The following MYH9 variants were observed in gnomAD, a reference collection of about 807,000 sequenced individuals.
The protein encoded by MYH9 is myosin-9.
Under a neutral mutation model 241.9 loss-of-function variants are expected in MYH9, and 29 were observed. That is an observed-to-expected ratio of 0.12 (90% CI 0.09 to 0.16). The LOEUF is 0.16. Among genes scored for constraint, MYH9 ranks in the 10% least tolerant of loss-of-function variants. MYH9 has a pLI of 1.00. For missense variants in MYH9, 1,803 were observed against 2,595.5 expected, an observed-to-expected ratio of 0.69 and a Z score of 6.63; for synonymous variants, 1,047 against 1,062.6, an observed-to-expected ratio of 0.99 and a Z score of 0.29.
Position 36,329,150 on chromosome 22 carries a change from G to T in MYH9, c.491-1662C>A, listed in dbSNP as rs79296526. 0.022 allele frequency among the ~76,000 whole-genome samples: 3,326 copies of T among 152,226 alleles called. 106 individuals carry two copies. Among genetic ancestry groups the T allele is most frequent in the African/African-American group, 0.077 (3,186 of 41,510 alleles). On this transcript the variant is annotated intron_variant, in intron 3 of 40. Coordinates refer to ENST00000216181, the MANE Select transcript of MYH9 (RefSeq NM_002473.6). The surrounding 1 kb of genome is among the most constrained non-coding windows in gnomAD (Gnocchi z 4.1). The stretch of plus-strand genomic sequence containing the variant: ...CCAGCCCCCTAAGCATCAACGGGGT[G>T]GGGGCGCAGAGGGGCTGGGTCACTC...
intron 1 of MYH9, among the ~76,000 whole-genome samples, chr22:36,381,834 C>T (rs1245088661): frequency 2.6e-5 from 4 of 152,198 alleles, no homozygotes; most frequent in Admixed American, 2.0e-4. Context: ...AATAGCACAA[C>T]TTGTTTCCTG....
Position 36,320,457 on chromosome 22 carries a change from A to G in MYH9, c.869-94T>C. ...CCTCAAAGGTTGGAGAGACTGGGAC[A>G]GACCCTGAGCCCTGACGCACCCTGG... On this transcript the variant is annotated intron_variant, in intron 8 of 40. Coordinates refer to ENST00000216181, the MANE Select transcript of MYH9 (RefSeq NM_002473.6). The surrounding 1 kb of genome is among the most constrained non-coding windows in gnomAD (Gnocchi z 4.8). 2.6e-6 allele frequency: 4 copies of G among 1,535,614 alleles called. No homozygotes were observed. The highest frequency in any genetic ancestry group is 3.6e-6 in the Non-Finnish European group (4 of 1,122,430).
intron 11 of MYH9, among the ~76,000 whole-genome samples, chr22:36,316,947 T>C (rs982079039): frequency 2.0e-5 from 3 of 151,940 alleles, no homozygotes; most frequent in Non-Finnish European, 2.9e-5. Context: ...ACAGAAAAAG[T>C]GATGCTTCAA....
intron 3 of MYH9, among the ~76,000 whole-genome samples, chr22:36,327,888 G>A (rs987199187): frequency 6.6e-6 from 1 of 152,194 alleles, no homozygotes; most frequent in Non-Finnish European, 1.5e-5. Context: ...TGCTGCAGGT[G>A]CTCTAAATAC....
At chr22:36,302,273 C>A in intron 20 of MYH9, 1 of 358,160 alleles carries the variant, frequency 2.8e-6, no homozygotes, top group South Asian at 2.6e-5. Context: ...GCAGCCCGGA[C>A]AAGTTTAAAA....
intron 38 of MYH9, among the ~76,000 whole-genome samples, chr22:36,284,809 C>G (rs2016551531): frequency 6.6e-6 from 1 of 152,202 alleles, no homozygotes; most frequent in South Asian, 2.1e-4. Flanking sequence ...AAGGAAGTCT[C>G]AGTCCTGCTG....
chr22:36,340,023 G>A (rs1038372971), intron 3 of MYH9, among the ~76,000 whole-genome samples: 10 of 152,080 alleles, frequency 6.6e-5, no homozygotes, highest in Non-Finnish European at 1.5e-4. Flanking sequence ...GGCATTGCAG[G>A]CAGATGGAGC....
At chr22:36,370,315 G>A (rs1208596956) in intron 1 of MYH9, among the ~76,000 whole-genome samples, 2 of 152,170 alleles carry the variant, frequency 1.3e-5, no homozygotes, top group Non-Finnish European at 2.9e-5. Context: ...AAGAAATAAA[G>A]CCATCTACCC....
intron 1 of MYH9, among the ~76,000 whole-genome samples, chr22:36,376,171 G>C (rs1389784667): frequency 6.6e-6 from 1 of 151,932 alleles, no homozygotes; most frequent in Non-Finnish European, 1.5e-5. Flanking sequence ...GTGTTGGCCA[G>C]GCTGGTCTCG....
rs1191877229 is a variant in MYH9, at chr22:36,305,709, G to A, written c.2159+221C>T. Among the ~76,000 whole-genome samples the A allele has an allele frequency of 3.3e-5, 5 of 152,242 alleles. No homozygotes were observed. On this transcript the variant is annotated intron_variant, in intron 17 of 40. Coordinates refer to ENST00000216181, the MANE Select transcript of MYH9 (RefSeq NM_002473.6). The surrounding 1 kb of genome is among the most constrained non-coding windows in gnomAD (Gnocchi z 4.7). ...TACTAGGAGCAAAAGTCAACAGGAT[G>A]ATGATGACCTGCATTTCGGTATTAA... is the stretch of plus-strand genomic sequence containing the variant.
Position 36,301,011 on chromosome 22 carries a change from G to A in MYH9, c.2678C>T (p.Thr893Ile). 6.2e-7 allele frequency: 1 copy of A among 1,611,704 alleles called. No homozygotes were observed. The highest frequency in any genetic ancestry group is 8.5e-7 in the Non-Finnish European group (1 of 1,180,026). ...LQLQEQLQAE[T>I]ELCAEAEELR... Reference sequence around the variant, plus strand: ...CTCCTCAGCCTCGGCACACAGCTCGGTTTCTGCCTGGAGCTGCTCCTGCAG... The same window carrying A: ...CTCCTCAGCCTCGGCACACAGCTCGATTTCTGCCTGGAGCTGCTCCTGCAG... Residue 893 changes from threonine to isoleucine, a missense_variant, in exon 22 of 41, where the codon ACC (threonine) becomes ATC (isoleucine). By Grantham distance (89) the Thr-to-Ile change is moderately conservative. Transcript: ENST00000216181.
intron 3 of MYH9, 110 bp downstream of exon 3, chr22:36,341,260 A>C (rs1199974517): frequency 7.1e-7 from 1 of 1,406,432 alleles, no homozygotes; most frequent in Non-Finnish European, 9.9e-7. Flanking sequence ...ACTGCCCATC[A>C]CCAGCCACTA....
chr22:36,357,395 T>C lies in MYH9; in HGVS notation c.-19-8140A>G, dbSNP rs2017872843. Among the ~76,000 whole-genome samples, 8 of 152,262 alleles carry C rather than the reference T, an allele frequency of 5.3e-5. 1 individual carries two copies. The South Asian group carries it at 1.7e-3, about 32-fold the overall frequency. On this transcript the variant is annotated intron_variant, in intron 1 of 40. Transcript: ENST00000216181. ...CACATACAAAACGATGCCACGGCAC[T>C]ATGGCTATCTGGGGCCAGAGAATCC...
Position 36,292,078 on chromosome 22 carries a change from G to T in MYH9, c.4252C>A (p.Leu1418Met), listed in dbSNP as rs1169499284. The change falls in exon 31 of 41, where the codon CTG becomes ATG. Residue 1418 changes from leucine (L) to methionine (M), a missense_variant. By Grantham distance (15) the Leu-to-Met change is conservative. Around this residue, in one of 11 missense-constraint regions of MYH9, gnomAD observed 876 missense variants for 1,077.8 expected, o/e 0.81. Transcript: ENST00000216181. ...YDKLEKTKTR[L>M]QQELDDLLVD... ...AGCAGGTCGTCCAGCTCCTGCTGCA[G>T]CCGCGTCTTGGTCTTCTCCAGCTTG... is the stretch of plus-strand genomic sequence containing the variant. 6.2e-7 allele frequency: 1 copy of T among 1,614,162 alleles called. No individual in the cohort carries two copies. Among genetic ancestry groups the T allele is most frequent in the Non-Finnish European group, 8.5e-7 (1 of 1,180,052 alleles).
chr22:36,329,226 G>C lies in MYH9; in HGVS notation c.491-1738C>G, dbSNP rs904770494. On this transcript the variant is annotated intron_variant, in intron 3 of 40. Coordinates refer to ENST00000216181, the MANE Select transcript of MYH9 (RefSeq NM_002473.6). The surrounding 1 kb of genome is among the most constrained non-coding windows in gnomAD (Gnocchi z 4.1). ...TGCTCTCTGATGTGGAAACTACTCA[G>C]GAGGCAAGCTCTAGGGGAGGCAAGC... Among the ~76,000 whole-genome samples, 2 of 151,972 alleles carry C rather than the reference G, an allele frequency of 1.3e-5. No individual in the cohort carries two copies. The highest frequency in any genetic ancestry group is 4.8e-5 in the African/African-American group (2 of 41,358).
At position 36,320,259 on chromosome 22, in the gene MYH9, C is replaced by A. The variant is rs2146363170; in HGVS notation, c.973G>T (p.Ala325Ser). 5.6e-6 allele frequency: 9 copies of A among 1,614,216 alleles called. No individual in the cohort carries two copies. The highest frequency in any genetic ancestry group is 7.6e-6 in the Non-Finnish European group (9 of 1,180,040). The stretch of plus-strand genomic sequence containing the variant: ...TCTGGGATGCCCATAATCCTCATGG[C>A]CTCCATGGTCTCCTGGAACATGTCC... ...DKDMFQETME[A>S]MRIMGIPEEE... Residue 325 changes from alanine (A) to serine (S), a missense_variant, in exon 9 of 41, where the codon GCC becomes TCC. By Grantham distance (99) the Ala-to-Ser change is moderately conservative. This residue lies in a region of MYH9 where 222 missense variants were observed against 359.9 expected (regional missense o/e 0.62). Transcript: ENST00000216181. This position sits in a 1 kb window ranked among gnomAD's most constrained non-coding sequence, Gnocchi z 4.8.
intron 1 of MYH9, among the ~76,000 whole-genome samples, chr22:36,354,510 T>C (rs2017820258): frequency 6.6e-6 from 1 of 151,224 alleles, no homozygotes. Context: ...AGTGGCGTGA[T>C]CTCAGCTCAC....
Position 36,294,176 on chromosome 22 carries a change from C to G in MYH9, c.3753G>C (p.Glu1251Asp). ...TGACCTGCAGCTCCTGCAGCTGCGCCTCCACTTTCTTGCGCTTGTGCTCCG... is the reference window on the plus strand; with the variant it reads ...TGACCTGCAGCTCCTGCAGCTGCGCGTCCACTTTCTTGCGCTTGTGCTCCG... ...GDSEHKRKKV[E>D]AQLQELQVKF... Residue 1251 changes from glutamate (E) to aspartate (D), a missense_variant, in exon 28 of 41, where the codon GAG (glutamate) becomes GAC (aspartate). Coordinates refer to ENST00000216181, the MANE Select transcript of MYH9 (RefSeq NM_002473.6). The G allele has an allele frequency of 1.9e-6, 3 of 1,613,814 alleles. No homozygotes were observed. The highest frequency in any genetic ancestry group is 2.5e-6 in the Non-Finnish European group (3 of 1,180,044).
At chr22:36,302,525 C>A (rs2016895799) in intron 20 of MYH9, 43 bp downstream of exon 20, 1 of 1,481,758 alleles carries the variant, frequency 6.7e-7, no homozygotes, top group African/African-American at 1.4e-5. Flanking sequence ...TGGTGGTGTG[C>A]ACCCGTAGTC....
Sources: gnomAD v4.1 joint callset for allele counts (sites outside exome capture counted in the v4.1 genomes callset) on GRCh38, gnomAD v4.1.1 for gene constraint, gnomAD v4.1.1 regional missense constraint, Gnocchi (gnomAD v3.1) non-coding constraint, MANE v1.5 for transcripts, NCBI Gene and HGNC (gene_info 2026-07-23, HGNC 2026-07-21) for gene names.